The following ADGRL3 variants were observed in gnomAD, a reference collection of about 807,000 sequenced individuals.
ADGRL3 encodes calcium-independent alpha-latrotoxin receptor 3.
A neutral mutation model predicts 153.5 loss-of-function variants in ADGRL3; 62 were observed. The ratio of observed to expected loss-of-function variants is 0.40; its 90% CI spans 0.33 to 0.50. The LOEUF (loss-of-function observed/expected upper bound fraction) is 0.50. ADGRL3 is among the 20% of genes least tolerant of loss of function. ADGRL3 has a pLI of 0.47. For missense variants in ADGRL3, 1,641 were observed against 1,859.4 expected, an observed-to-expected ratio of 0.88 and a Z score of 2.16; for synonymous variants, 710 against 672.5, an observed-to-expected ratio of 1.06 and a Z score of -0.86.
At chr4:62,050,713 T>C (rs1159692901) in intron 25 of ADGRL3, among the ~76,000 whole-genome samples, 2 of 152,038 alleles carry the variant, frequency 1.3e-5, no homozygotes, top group African/African-American at 2.4e-5. Flanking sequence ...TTAATGTCAA[T>C]AAATATAATT....
intron 5 of ADGRL3, among the ~76,000 whole-genome samples, chr4:61,613,734 A>G (rs1393225986): frequency 6.6e-6 from 1 of 152,226 alleles, no homozygotes; most frequent in South Asian, 2.1e-4. Flanking sequence ...ACAGAGCTAG[A>G]TTCCAAGTGA....
intron 2 of ADGRL3, among the ~76,000 whole-genome samples, chr4:61,496,564 C>T (rs2098319264): frequency 6.6e-6 from 1 of 152,048 alleles, no homozygotes; most frequent in South Asian, 2.1e-4. Flanking sequence ...ATCGCGTGAA[C>T]CCGGGAGGCA....
intron 1 of ADGRL3, among the ~76,000 whole-genome samples, chr4:61,342,003 CT>C (rs979315663): frequency 6.6e-6 from 1 of 151,884 alleles, no homozygotes; most frequent in Admixed American, 6.6e-5. Flanking sequence ...CAGATAAACA[CT>C]TTTTTTGGAT....
intron 5 of ADGRL3, among the ~76,000 whole-genome samples, chr4:61,593,496 C>T (rs1322203105): frequency 6.6e-6 from 1 of 151,924 alleles, no homozygotes; most frequent in East Asian, 1.9e-4. Context: ...AATCACTCAC[C>T]TTTTGCTTGT....
intron 8 of ADGRL3, among the ~76,000 whole-genome samples, chr4:61,744,652 G>A (rs547695423): frequency 9.7e-4 from 148 of 152,316 alleles, no homozygotes; most frequent in Admixed American, 9.5e-3. Flanking sequence ...GCAGCTGAGG[G>A]TCCTATCTGT....
chr4:61,312,058 A>G (rs1056838002), intron 1 of ADGRL3, among the ~76,000 whole-genome samples: 1 of 152,190 alleles, frequency 6.6e-6, no homozygotes, highest in Non-Finnish European at 1.5e-5. Flanking sequence ...GCTCTGAAAA[A>G]AATAAAACCT....
At chr4:61,535,738 A>G (rs1454324522) in intron 4 of ADGRL3, among the ~76,000 whole-genome samples, 3 of 151,936 alleles carry the variant, frequency 2.0e-5, no homozygotes, top group Non-Finnish European at 2.9e-5. Flanking sequence ...AGAGATTTTC[A>G]TAATAGTCTT....
chr4:61,428,877 CATCT>C (rs1553927141), intron 2 of ADGRL3, among the ~76,000 whole-genome samples: 1,534 of 131,430 alleles, frequency 0.012, 14 homozygotes, highest in South Asian at 0.05. Context: ...CTATCTATAT[CATCT>C]ATCTATCTAT....
Position 61,229,935 on chromosome 4 carries a change from T to C in ADGRL3, c.-240+28170T>C, listed in dbSNP as rs556290005. On this transcript the variant is annotated intron_variant, in intron 1 of 26. Transcript: ENST00000683033. Reference sequence around the variant, plus strand: ...ATATATATACACACATATATGTATATACATATTATATAGATAGATAGATAG... The same window carrying C: ...ATATATATACACACATATATGTATACACATATTATATAGATAGATAGATAG... Among the ~76,000 whole-genome samples, 3 of 152,032 alleles carry C rather than the reference T, an allele frequency of 2.0e-5. No individual in the cohort carries two copies. In the South Asian group the frequency reaches 6.2e-4, roughly 32 times the overall value.
chr4:61,356,335 A>C (rs2096167954), intron 1 of ADGRL3, among the ~76,000 whole-genome samples: 1 of 152,150 alleles, frequency 6.6e-6, no homozygotes, highest in Middle Eastern at 3.4e-3. Context: ...AGAATACTTA[A>C]GGCTACATCA....
intron 2 of ADGRL3, among the ~76,000 whole-genome samples, chr4:61,471,671 G>C (rs1020653390): frequency 6.6e-5 from 10 of 151,990 alleles, no homozygotes; most frequent in African/African-American, 2.4e-4. Context: ...ATGATCTGGA[G>C]TGCCATACCC....
intron 17 of ADGRL3, among the ~76,000 whole-genome samples, chr4:61,974,425 T>C (rs559481968): frequency 7.1e-4 from 108 of 152,332 alleles, no homozygotes; most frequent in Non-Finnish European, 1.1e-3. Context: ...ATTATTGTTA[T>C]GGTTATTTTT....
chr4:61,329,485 G>T (rs2095528273), intron 1 of ADGRL3, among the ~76,000 whole-genome samples: 3 of 151,732 alleles, frequency 2.0e-5, no homozygotes, highest in Admixed American at 2.0e-4. Context: ...TTTAAATGTA[G>T]AAATTTAATT....
intron 2 of ADGRL3, among the ~76,000 whole-genome samples, chr4:61,445,435 C>A (rs2097571493): frequency 6.6e-6 from 1 of 152,104 alleles, no homozygotes; most frequent in African/African-American, 2.4e-5. Flanking sequence ...AAGGAAGTCA[C>A]AGGAAGGTGT....
At chr4:61,771,980 T>A (rs930030199) in intron 8 of ADGRL3, among the ~76,000 whole-genome samples, 2 of 152,154 alleles carry the variant, frequency 1.3e-5, no homozygotes, top group African/African-American at 2.4e-5. Context: ...CATCTTCATA[T>A]CTCAGGGCCC....
intron 2 of ADGRL3, among the ~76,000 whole-genome samples, chr4:61,496,847 A>G (rs1296399030): frequency 6.6e-6 from 1 of 151,476 alleles, no homozygotes; most frequent in Non-Finnish European, 1.5e-5. Flanking sequence ...AGGCTGAGGA[A>G]GGAGAATGGC....
At chr4:62,009,134 T>C (rs1245703174) in intron 21 of ADGRL3, among the ~76,000 whole-genome samples, 1 of 152,270 alleles carries the variant, frequency 6.6e-6, no homozygotes, top group Non-Finnish European at 1.5e-5. Flanking sequence ...CATCATTAAA[T>C]GACACATGAC....
At chr4:61,844,700 T>TA (rs965256510) in intron 9 of ADGRL3, among the ~76,000 whole-genome samples, 2 of 150,558 alleles carry the variant, frequency 1.3e-5, no homozygotes, top group African/African-American at 4.9e-5. Context: ...TGAAAGATCC[T>TA]AACTGATAAA....
intron 1 of ADGRL3, among the ~76,000 whole-genome samples, chr4:61,309,305 C>A (rs758415187): frequency 3.4e-4 from 51 of 152,100 alleles, no homozygotes; most frequent in Admixed American, 3.1e-3. Flanking sequence ...CCCTGTTATA[C>A]AATGGGGATT....
Sources: allele counts gnomAD v4.1 joint callset (sites outside exome capture counted in the v4.1 genomes callset), GRCh38; gene constraint gnomAD v4.1.1; transcripts MANE v1.5; gene names NCBI Gene and HGNC (gene_info 2026-07-23, HGNC 2026-07-21).